Variants in DHRS7C observed in about 807,000 individuals in gnomAD.
DHRS7C encodes dehydrogenase/reductase SDR family member 7C.
DHRS7C carries 28 observed loss-of-function variants against 29.6 expected under a neutral mutation model. That is an observed-to-expected ratio of 0.95 (90% CI 0.70 to 1.30). The LOEUF (loss-of-function observed/expected upper bound fraction) is 1.30, where lower values mean the gene tolerates loss of function less well. Ranked by LOEUF, DHRS7C falls within the 50% of genes most tolerant of loss-of-function variation. The probability of loss-of-function intolerance (pLI) is 0.00; values close to 1 mark genes in which losing one functional copy is unlikely to be tolerated. For missense variants in DHRS7C, 403 were observed against 393.3 expected (o/e 1.02, Z -0.21); for synonymous variants, 158 against 160.2 (o/e 0.99, Z 0.10).
intron 4 of DHRS7C, among the ~76,000 whole-genome samples, 162 bp downstream of exon 4, chr17:9,777,031 C>CA (rs1164545950): frequency 6.6e-6 from 1 of 151,998 alleles, no homozygotes; most frequent in African/African-American, 2.4e-5. Flanking sequence ...TGTAGGTGCT[C>CA]AAAAAAATAG....
rs1003616710 is a variant in DHRS7C, at chr17:9,775,526, C to A, written c.571+1667G>T. 3.3e-5 allele frequency among the ~76,000 whole-genome samples: 5 copies of A among 152,150 alleles called. No individual in the cohort carries two copies. The highest frequency in any genetic ancestry group is 1.2e-4 in the African/African-American group (5 of 41,426). On this transcript the variant is annotated intron_variant, in intron 4 of 5. Transcript: ENST00000571134. The surrounding 1 kb of genome is among the most constrained non-coding windows in gnomAD (Gnocchi z 4.2). Reference sequence around the variant, plus strand: ...CTTGCCAGCAGGGACCCAGTGGTGACCACACGGAAGATGTTGTTGATGGAA... The same window carrying A: ...CTTGCCAGCAGGGACCCAGTGGTGAACACACGGAAGATGTTGTTGATGGAA...
chr17:9,788,211 TA>T, intron 1 of DHRS7C, among the ~76,000 whole-genome samples: 1 of 152,048 alleles, frequency 6.6e-6, no homozygotes, highest in Non-Finnish European at 1.5e-5. Context: ...AATAAATAAA[TA>T]AATTAATTTT....
At chr17:9,777,360 C>G (rs952218706) in intron 3 of DHRS7C, 75 bp from the exon 4 acceptor site, 2 of 1,291,456 alleles carry the variant, frequency 1.5e-6, no homozygotes, top group South Asian at 1.3e-5. Flanking sequence ...GACCCCTGCC[C>G]CCGGTACCCT....
chr17:9,771,623 C>G lies in DHRS7C; in HGVS notation c.801G>C (p.Arg267Ser). The change falls in exon 6 of 6, where the codon AGG becomes AGC. Residue 267 changes from arginine (R) to serine (S), a missense_variant. Arg to Ser is a moderately radical substitution (Grantham distance 110). Transcript: ENST00000571134. ...TGGCCATAAACACCTCTTGCTTCTT[C>G]CTCCGCACGGTGCGCATCACCTCCT... ...VAEEVMRTVR[R>S]KKQEVFMANP... The G allele has an allele frequency of 6.2e-7, 1 of 1,600,994 alleles. No homozygotes were observed. The highest frequency in any genetic ancestry group is 8.5e-7 in the Non-Finnish European group (1 of 1,172,952).
intron 3 of DHRS7C, 139 bp downstream of exon 3, chr17:9,779,686 C>T (rs1362785391): frequency 2.4e-6 from 2 of 821,952 alleles, no homozygotes; most frequent in Non-Finnish European, 3.7e-6. Context: ...ATGGTGAAAG[C>T]TTTCACCCAA....
intron 3 of DHRS7C, among the ~76,000 whole-genome samples, chr17:9,778,501 A>G (rs1463562346): frequency 3.3e-5 from 5 of 151,960 alleles, no homozygotes. Context: ...AGGGCTAACC[A>G]GGAGGAGAAA....
intron 4 of DHRS7C, 125 bp downstream of exon 4, chr17:9,777,068 G>T: frequency 1.3e-6 from 1 of 743,590 alleles, no homozygotes. Context: ...AGAAAATCCA[G>T]CAGATGGTGT....
At chr17:9,776,250 A>G (rs1402141870) in intron 4 of DHRS7C, among the ~76,000 whole-genome samples, 8 of 152,178 alleles carry the variant, frequency 5.3e-5, no homozygotes, top group Admixed American at 5.2e-4. Flanking sequence ...ATAGGGAGGC[A>G]ACAGACATGC....
rs1420275704 is a variant in DHRS7C, at chr17:9,771,662, T to G, written c.762A>C (p.Pro254=). The G allele has an allele frequency of 6.4e-7, 1 of 1,573,236 alleles. No individual in the cohort carries two copies. Among genetic ancestry groups the G allele is most frequent in the Non-Finnish European group, 8.6e-7 (1 of 1,157,522 alleles). ...FFRKLTYGVH[P]VEVAEEVMRT... is the part of the protein sequence containing the mutation. ...GCATCACCTCCTCCGCCACCTCTAC[T>G]GGGTGCACGCCGTAGGTCAGCTTCC... Residue 254 remains proline, a synonymous_variant, in exon 6 of 6, where the codon CCA becomes CCC. Transcript: ENST00000571134.
In DHRS7C at chr17:9,774,640, T is replaced by G. The variant is rs2066351683; in HGVS notation, c.572-1718A>C. 6.6e-6 allele frequency among the ~76,000 whole-genome samples: 1 copy of G among 152,156 alleles called. No homozygotes were observed. Among genetic ancestry groups the G allele is most frequent in the Admixed American group, 6.5e-5 (1 of 15,268 alleles). On this transcript the variant is annotated intron_variant, in intron 4 of 5. Transcript: ENST00000571134. The surrounding 1 kb of genome is among the most constrained non-coding windows in gnomAD (Gnocchi z 5.0). ...GTGTGCCTGCAGCAGGAGGGACACA[T>G]GGCAGGCTGCCTTCCCTTTCAAGTC...
chr17:9,772,877 C>A lies in DHRS7C; in HGVS notation c.617G>T (p.Arg206Leu), dbSNP rs559179095. Residue 206 changes from arginine to leucine, a missense_variant, in exon 5 of 6, where the codon CGA (arginine) becomes CTA (leucine). By Grantham distance (102) the Arg-to-Leu change is moderately radical. Transcript: ENST00000571134. ...HAALGFFDCL[R>L]AEVEEYDVVI... Reference sequence around the variant, plus strand: ...AACATCGTATTCCTCCACTTCGGCTCGGAGGCAGTCAAAGAAGCCCAGGGC... The same window carrying A: ...AACATCGTATTCCTCCACTTCGGCTAGGAGGCAGTCAAAGAAGCCCAGGGC... 7 of 1,613,906 alleles carry A rather than the reference C, an allele frequency of 4.3e-6. No individual in the cohort carries two copies. The African/African-American group carries it at 8.0e-5, about 18-fold the overall frequency.
At chr17:9,786,769 G>A (rs1339901856) in intron 1 of DHRS7C, among the ~76,000 whole-genome samples, 8 of 152,026 alleles carry the variant, frequency 5.3e-5, no homozygotes, top group East Asian at 1.9e-4. Context: ...TGAATCACCC[G>A]GAGTCCCACA....
rs1036828793 is a variant in DHRS7C, at chr17:9,786,198, G to T, written c.155-4604C>A. On this transcript the variant is annotated intron_variant, in intron 1 of 5. Coordinates refer to ENST00000571134, the MANE Select transcript of DHRS7C (RefSeq NM_001105571.3). ...AAATATTAGCCGGGCATGGTGGCAG[G>T]TGCCTGTAATCCCAGCTACTCCGGA... Among the ~76,000 whole-genome samples, 11 of 151,830 alleles carry T rather than the reference G, an allele frequency of 7.2e-5. No individual in the cohort carries two copies. In the East Asian group the frequency reaches 1.4e-3, roughly 19 times the overall value.
chr17:9,780,396 T>G (rs2066387107), intron 2 of DHRS7C, among the ~76,000 whole-genome samples: 1 of 152,030 alleles, frequency 6.6e-6, no homozygotes, highest in Admixed American at 6.6e-5. Flanking sequence ...TGAGCCCCTT[T>G]GTGGAAATTG....
intron 1 of DHRS7C, among the ~76,000 whole-genome samples, chr17:9,782,292 C>G (rs531809433): frequency 6.6e-6 from 1 of 152,306 alleles, no homozygotes; most frequent in East Asian, 1.9e-4. Context: ...CCTTATGAGA[C>G]AGTATCTTTA....
intron 4 of DHRS7C, among the ~76,000 whole-genome samples, chr17:9,776,873 A>G (rs896653832): frequency 6.6e-6 from 1 of 152,108 alleles, no homozygotes; most frequent in Non-Finnish European, 1.5e-5. Flanking sequence ...TGGAGCTACG[A>G]CTGTGCATCT....
intron 5 of DHRS7C, 68 bp downstream of exon 5, chr17:9,772,699 C>G (rs1597922174): frequency 1.3e-6 from 2 of 1,557,946 alleles, no homozygotes. Flanking sequence ...GAAGGTCATT[C>G]ATCCCCCCAG....
At chr17:9,786,493 G>T (rs1237639566) in intron 1 of DHRS7C, among the ~76,000 whole-genome samples, 1 of 151,818 alleles carries the variant, frequency 6.6e-6, no homozygotes, top group Non-Finnish European at 1.5e-5. Flanking sequence ...CTCATGACTG[G>T]TTACTCACAT....
At chr17:9,772,641 G>T in intron 5 of DHRS7C, 126 bp downstream of exon 5, 1 of 1,278,390 alleles carries the variant, frequency 7.8e-7, no homozygotes, top group Non-Finnish European at 1.1e-6. Context: ...GGGTTGCTGA[G>T]CCTCCTCCAC....
Sources: gnomAD v4.1 joint callset for allele counts (sites outside exome capture counted in the v4.1 genomes callset) on GRCh38, gnomAD v4.1.1 for gene constraint, Gnocchi (gnomAD v3.1) non-coding constraint, MANE v1.5 for transcripts, NCBI Gene and HGNC (gene_info 2026-07-23, HGNC 2026-07-21) for gene names.